TAF1: variants seen among roughly 807,000 people sequenced by gnomAD.
The protein encoded by TAF1 is transcription initiation factor TFIID subunit 1.
TAF1 carries 2 observed loss-of-function variants against 138.5 expected under a neutral mutation model. The ratio of observed to expected loss-of-function variants is 0.01; its 90% CI spans 0.01 to 0.05. The LOEUF (loss-of-function observed/expected upper bound fraction) is 0.05, where lower values mean the gene tolerates loss of function less well. Ranked by LOEUF, TAF1 falls within the 10% of genes least tolerant of loss-of-function variation. The probability of loss-of-function intolerance (pLI) is 1.00; values close to 1 mark genes in which losing one functional copy is unlikely to be tolerated. For synonymous variants in TAF1, 437 were observed against 503.2 expected (o/e 0.87, Z 1.76); for missense variants, 709 against 1,478.0 (o/e 0.48, Z 8.53).
chrX:71,377,173 A>G lies in TAF1; in HGVS notation c.696A>G (p.Pro232=). 1 of 1,211,595 alleles carries G rather than the reference A, an allele frequency of 8.3e-7. No individual in the cohort carries two copies. The highest frequency in any genetic ancestry group is 2.2e-5 in the Admixed American group (1 of 45,956). The change falls in exon 5 of 38, where the codon CCA becomes CCG. Residue 232 remains proline, a synonymous_variant. Coordinates refer to ENST00000423759, the MANE Select transcript of TAF1 (RefSeq NM_004606.5). ...KLLPSVTELF[P]EFRPGKVLRF... Reference sequence around the variant, plus strand: ...TGCCAAGTGTCACAGAACTTTTTCCAGAATTTCGACCTGGAAAGGTACATT... The same window carrying G: ...TGCCAAGTGTCACAGAACTTTTTCCGGAATTTCGACCTGGAAAGGTACATT...
chrX:71,404,005 C>T (rs888541599), intron 25 of TAF1, among the ~76,000 whole-genome samples: 5 of 107,133 alleles, frequency 4.7e-5, no homozygotes, highest in Non-Finnish European at 7.7e-5. Context: ...ACAGAGTCTT[C>T]CTCCTTTGCC....
At chrX:71,454,369 G>T in intron 33 of TAF1, 132 bp downstream of exon 33, 1 of 541,210 alleles carries the variant, frequency 1.8e-6, no homozygotes, top group Non-Finnish European at 2.9e-6. Context: ...CTCGTCTGAG[G>T]TAGGAGAATC....
chrX:71,453,480 T>C (rs1248442896), intron 32 of TAF1, among the ~76,000 whole-genome samples: 4 of 103,247 alleles, frequency 3.9e-5, no homozygotes, highest in African/African-American at 1.4e-4. Context: ...GCCATGATCA[T>C]GTCACTGCAT....
At chrX:71,407,755 C>T in intron 27 of TAF1, 83 bp downstream of exon 27, 1 of 1,048,457 alleles carries the variant, frequency 9.5e-7, no homozygotes, top group Non-Finnish European at 1.3e-6. Flanking sequence ...GGGCAGTAAT[C>T]TGTAGATTTA....
chrX:71,375,968 AG>A (rs2033444521), intron 4 of TAF1, among the ~76,000 whole-genome samples: 1 of 112,842 alleles, frequency 8.9e-6, no homozygotes, highest in African/African-American at 3.2e-5. Flanking sequence ...TAAATTAGGA[AG>A]GTGCCCTGGA....
chrX:71,381,988 G>A (rs1388312784), intron 9 of TAF1, 69 bp downstream of exon 9: 13 of 1,074,908 alleles, frequency 1.2e-5, no homozygotes, highest in African/African-American at 3.8e-5. Context: ...ACGGGCAGGA[G>A]GAAATCAGAA....
chrX:71,402,967 A>G (rs2035257305), intron 25 of TAF1, among the ~76,000 whole-genome samples: 1 of 110,246 alleles, frequency 9.1e-6, no homozygotes, highest in Non-Finnish European at 1.9e-5. Flanking sequence ...CAAACATTAA[A>G]TATATTTTGA....
chrX:71,428,713 ATAAT>A (rs2036721613), intron 32 of TAF1, among the ~76,000 whole-genome samples: 1 of 112,180 alleles, frequency 8.9e-6, no homozygotes, highest in Non-Finnish European at 1.9e-5. Flanking sequence ...TGCCATCTGT[ATAAT>A]TAATTATTAG....
At position 71,451,866 on chromosome X, in the gene TAF1, A is replaced by G. The variant is rs1344861126; in HGVS notation, c.4754-2304A>G. Among the ~76,000 whole-genome samples, 7 of 112,292 alleles carry G rather than the reference A, an allele frequency of 6.2e-5. No individual in the cohort carries two copies. In the South Asian group the frequency reaches 1.1e-3, roughly 18 times the overall value. On this transcript the variant is annotated intron_variant, in intron 32 of 37. Transcript: ENST00000423759. Reference sequence around the variant, plus strand: ...TACAGAACAAAATGAAAAGTCTCCCATGTCTACTTCTTACTACACAGACAC... The same window carrying G: ...TACAGAACAAAATGAAAAGTCTCCCGTGTCTACTTCTTACTACACAGACAC...
At chrX:71,469,030 C>T (rs2038829231), downstream of TAF1, among the ~76,000 whole-genome samples, 1 of 110,926 alleles carries the variant, frequency 9.0e-6, no homozygotes, top group Admixed American at 9.6e-5. Flanking sequence ...AGGCTGGGTG[C>T]GGTGGCTCAC....
At chrX:71,397,968 C>G (rs190799041) in intron 23 of TAF1, among the ~76,000 whole-genome samples, 28 of 111,876 alleles carry the variant, frequency 2.5e-4, no homozygotes, top group African/African-American at 9.1e-4. Flanking sequence ...AAATTCTATT[C>G]GGTATTTGCC....
chrX:71,367,667 G>A lies in TAF1; in HGVS notation c.235+54G>A. On this transcript the variant is annotated intron_variant, in intron 2 of 37. Transcript: ENST00000423759. Reference sequence around the variant, plus strand: ...GGGGAGGAGGCTAGCCACCTACTATGTATGTACTTTTTTGTGTGTGTAAGA... The same window carrying A: ...GGGGAGGAGGCTAGCCACCTACTATATATGTACTTTTTTGTGTGTGTAAGA... 4 of 1,153,583 alleles carry A rather than the reference G, an allele frequency of 3.5e-6. No homozygotes were observed. The South Asian group carries it at 5.6e-5, about 16-fold the overall frequency.
At chrX:71,382,733 C>T (rs370146947) in intron 10 of TAF1, 28 bp from the exon 11 acceptor site, 22 of 1,201,595 alleles carry the variant, frequency 1.8e-5, no homozygotes, top group African/African-American at 3.5e-5. Flanking sequence ...ATAGTCTGAC[C>T]GAGATTTGTT....
intron 13 of TAF1, among the ~76,000 whole-genome samples, chrX:71,471,336 T>A (rs1465374242): frequency 9.8e-6 from 1 of 101,672 alleles, no homozygotes; most frequent in Non-Finnish European, 2.0e-5. Flanking sequence ...AAAAAAAATA[T>A]ATATATATAT....
chrX:71,417,261 A>G (rs1158958394), intron 28 of TAF1, among the ~76,000 whole-genome samples: 1 of 110,242 alleles, frequency 9.1e-6, no homozygotes. Flanking sequence ...TCTCTGAGCC[A>G]CCTCGGGACT....
In TAF1 at chrX:71,397,229, A is replaced by C. The variant is rs915904733; in HGVS notation, c.3407-24A>C. 3.3e-6 allele frequency: 4 copies of C among 1,203,227 alleles called. No individual in the cohort carries two copies. In the African/African-American group the frequency reaches 7.0e-5, roughly 21 times the overall value. ...TTTGGGAGATAAGGGGAACGTTTGG[A>C]AATCTTTTCTACCTACCTTGCAGCA... On this transcript the variant is annotated intron_variant, in intron 22 of 37. Transcript: ENST00000423759.
chrX:71,385,450 A>G (rs1021636934), intron 14 of TAF1, among the ~76,000 whole-genome samples: 1 of 111,646 alleles, frequency 9.0e-6, no homozygotes, highest in Non-Finnish European at 1.9e-5. Flanking sequence ...TGTGCCATCT[A>G]CAGTCCCCAG....
intron 32 of TAF1, among the ~76,000 whole-genome samples, chrX:71,448,491 CTCTG>C (rs1487000359): frequency 8.9e-6 from 1 of 112,191 alleles, no homozygotes; most frequent in Non-Finnish European, 1.9e-5. Flanking sequence ...GGATTCATAG[CTCTG>C]TCTCTCATAA....
intron 13 of TAF1, among the ~76,000 whole-genome samples, chrX:71,510,833 A>G (rs1016388633): frequency 8.9e-6 from 1 of 111,977 alleles, no homozygotes; most frequent in Non-Finnish European, 1.9e-5. Flanking sequence ...GGCGGGCACG[A>G]TGGCTCACTC....
Sources: gnomAD v4.1 joint callset for allele counts (sites outside exome capture counted in the v4.1 genomes callset) on GRCh38, gnomAD v4.1.1 for gene constraint, MANE v1.5 for transcripts, NCBI Gene and HGNC (gene_info 2026-07-23, HGNC 2026-07-21) for gene names.